PRKCE: variants seen among roughly 807,000 people sequenced by gnomAD.
The protein encoded by PRKCE is protein kinase C epsilon type.
In PRKCE, 16 loss-of-function variants were observed where a neutral mutation model predicts 85.4. That is an observed-to-expected ratio of 0.19 (90% CI 0.13 to 0.28). The LOEUF is 0.28. Among genes scored for constraint, PRKCE ranks in the 10% least tolerant of loss-of-function variants. The probability of loss-of-function intolerance (pLI) is 1.00; values close to 1 mark genes in which losing one functional copy is unlikely to be tolerated. For synonymous variants in PRKCE, 388 were observed against 371.5 expected (o/e 1.04, Z -0.51); for missense variants, 573 against 975.2 (o/e 0.59, Z 5.49).
At chr2:45,711,749 C>T (rs1390064040) in intron 1 of PRKCE, among the ~76,000 whole-genome samples, 2 of 152,006 alleles carry the variant, frequency 1.3e-5, no homozygotes, top group Non-Finnish European at 1.5e-5. Context: ...CTCAGCCTCC[C>T]GACTAGCTGA....
intron 2 of PRKCE, among the ~76,000 whole-genome samples, chr2:45,919,486 T>G (rs921304369): frequency 8.5e-5 from 13 of 152,246 alleles, no homozygotes; most frequent in Non-Finnish European, 1.6e-4. Context: ...TGCCTTGTCT[T>G]GGGGTTGAAT....
intron 1 of PRKCE, among the ~76,000 whole-genome samples, chr2:45,711,335 C>T (rs1679618597): frequency 6.6e-6 from 1 of 152,174 alleles, no homozygotes; most frequent in Admixed American, 6.5e-5. Flanking sequence ...GACATCATGA[C>T]CAAGAGCGAG....
At chr2:46,102,194 C>T (rs1671306383) in intron 11 of PRKCE, among the ~76,000 whole-genome samples, 1 of 152,116 alleles carries the variant, frequency 6.6e-6, no homozygotes, top group Non-Finnish European at 1.5e-5. Context: ...CTTGCCAGGA[C>T]ACCACTGGAG....
At chr2:45,763,896 C>T (rs1055256339) in intron 1 of PRKCE, among the ~76,000 whole-genome samples, 1 of 152,194 alleles carries the variant, frequency 6.6e-6, no homozygotes, top group Non-Finnish European at 1.5e-5. Context: ...TTGGTGGACT[C>T]TTTCTTGTAT....
chr2:46,135,694 C>A, intron 11 of PRKCE, among the ~76,000 whole-genome samples: 1 of 136,764 alleles, frequency 7.3e-6, no homozygotes, highest in African/African-American at 2.8e-5. Context: ...GTTATCAGCA[C>A]TGCAATGGAG....
rs1680357126 is a variant in PRKCE, at chr2:46,185,056, TG to T, written c.*177del. On this transcript the variant is annotated 3_prime_UTR_variant, in exon 15 of 15. Transcript: ENST00000306156. The surrounding 1 kb of genome is among the most constrained non-coding windows in gnomAD (Gnocchi z 4.7). Reference sequence around the variant, plus strand: ...CAGGCCACCTCCTCCCCCTCCCACCTGGTGACCAGAAGGCGCTCTCGGTTCT... The same window carrying T: ...CAGGCCACCTCCTCCCCCTCCCACCTGTGACCAGAAGGCGCTCTCGGTTCT... 1 of 841,402 alleles carries T rather than the reference TG, an allele frequency of 1.2e-6. No homozygotes were observed. Among genetic ancestry groups the T allele is most frequent in the Admixed American group, 2.9e-5 (1 of 34,824 alleles). 52.1% of individuals were successfully genotyped at this position (841,402 alleles called of 1,614,324 possible). A position where few individuals can be genotyped will look rare whatever the true frequency, so the allele number is the denominator to read the frequency against.
At chr2:45,711,774 G>A (rs1022712451) in intron 1 of PRKCE, among the ~76,000 whole-genome samples, 3 of 151,992 alleles carry the variant, frequency 2.0e-5, no homozygotes, top group African/African-American at 4.8e-5. Flanking sequence ...ACAGTCATGC[G>A]CGACCATGCC....
intron 1 of PRKCE, among the ~76,000 whole-genome samples, chr2:45,695,137 G>A (rs1241189694): frequency 6.6e-6 from 1 of 152,194 alleles, no homozygotes; most frequent in East Asian, 1.9e-4. Flanking sequence ...AAACTGTACA[G>A]AAGGAAGGTT....
intron 1 of PRKCE, among the ~76,000 whole-genome samples, chr2:45,680,424 T>C (rs1237617751): frequency 6.6e-6 from 1 of 152,234 alleles, no homozygotes; most frequent in East Asian, 1.9e-4. Context: ...AAATATTCGC[T>C]AACCTGTGGT....
At chr2:46,087,009 C>A (rs79470212) in intron 11 of PRKCE, among the ~76,000 whole-genome samples, 81 of 152,312 alleles carry the variant, frequency 5.3e-4, no homozygotes, top group Middle Eastern at 3.4e-3. Context: ...TACAAAGGCT[C>A]TTCTGTGAGG....
chr2:45,861,883 A>T (rs1693187606), intron 2 of PRKCE, among the ~76,000 whole-genome samples: 2 of 152,210 alleles, frequency 1.3e-5, no homozygotes, highest in African/African-American at 2.4e-5. Context: ...ATATTAATGA[A>T]GAGAGGTTTT....
At chr2:46,030,561 C>G (rs1707445844) in intron 10 of PRKCE, among the ~76,000 whole-genome samples, 1 of 152,152 alleles carries the variant, frequency 6.6e-6, no homozygotes, top group Admixed American at 6.5e-5. Context: ...TCCCTCCTCC[C>G]TCTTGCTGTT....
intron 2 of PRKCE, among the ~76,000 whole-genome samples, chr2:45,973,820 G>A (rs747800386): frequency 4.5e-4 from 69 of 152,190 alleles, no homozygotes; most frequent in Non-Finnish European, 8.4e-4. Context: ...TGTAACCACC[G>A]TCATAACAGT....
At chr2:45,852,677 G>C (rs2105571963) in intron 2 of PRKCE, among the ~76,000 whole-genome samples, 1 of 152,328 alleles carries the variant, frequency 6.6e-6, no homozygotes, top group East Asian at 1.9e-4. Context: ...AAAACCAAGA[G>C]AGGTTTGCAT....
chr2:45,759,480 A>C (rs4952769), intron 1 of PRKCE, among the ~76,000 whole-genome samples: 98,899 of 152,076 alleles, frequency 0.65, 33,320 homozygotes, highest in African/African-American at 0.83. Context: ...TGCATCTCAG[A>C]CCTTGAGAGA....
At chr2:45,901,319 G>T (rs10187908) in intron 2 of PRKCE, among the ~76,000 whole-genome samples, 63,327 of 151,962 alleles carry the variant, frequency 0.42, 13,919 homozygotes, top group African/African-American at 0.55. Context: ...TGTTAAAATG[G>T]TTCTTACCCA....
intron 14 of PRKCE, among the ~76,000 whole-genome samples, chr2:46,163,601 G>T (rs1302807117): frequency 8.6e-6 from 1 of 116,078 alleles, no homozygotes; most frequent in Non-Finnish European, 1.8e-5. Context: ...GCCACTGAGA[G>T]ACACGGGGAA....
chr2:45,866,148 C>T (rs560170074), intron 2 of PRKCE, among the ~76,000 whole-genome samples: 1 of 151,964 alleles, frequency 6.6e-6, no homozygotes, highest in South Asian at 2.1e-4. Context: ...TTACCCAGTC[C>T]CAGATATTTT....
At chr2:46,015,807 G>A (rs1706091562) in intron 10 of PRKCE, among the ~76,000 whole-genome samples, 4 of 152,058 alleles carry the variant, frequency 2.6e-5, no homozygotes, top group Admixed American at 2.6e-4. Flanking sequence ...TTGAGGATGG[G>A]TCTCTTTCCT....
Sources: allele counts gnomAD v4.1 joint callset (sites outside exome capture counted in the v4.1 genomes callset), GRCh38; gene constraint gnomAD v4.1.1; non-coding constraint Gnocchi (gnomAD v3.1); transcripts MANE v1.5; gene names NCBI Gene and HGNC (gene_info 2026-07-23, HGNC 2026-07-21).